Variants in MAPK12 observed in about 807,000 individuals in gnomAD.
MAPK12 encodes MAP kinase 12.
Under a neutral mutation model 49.1 loss-of-function variants are expected in MAPK12, and 49 were observed. The ratio of observed to expected loss-of-function variants is 1.00; its 90% CI spans 0.79 to 1.27. The LOEUF (loss-of-function observed/expected upper bound fraction) is 1.27, where lower values mean the gene tolerates loss of function less well. MAPK12 is among the 50% of genes most tolerant of loss of function. MAPK12 has a pLI of 0.00. For synonymous variants in MAPK12, 251 were observed against 209.7 expected, an observed-to-expected ratio of 1.20 and a Z score of -1.70; for missense variants, 554 against 502.4, an observed-to-expected ratio of 1.10 and a Z score of -0.98.
rs373855209 is a variant in MAPK12, at chr22:50,261,181, T to G, written c.241A>C (p.Met81Leu). 2.5e-6 allele frequency: 4 copies of G among 1,591,110 alleles called. No homozygotes were observed. In the African/African-American group the frequency reaches 5.5e-5, roughly 22 times the overall value. ...AYRELRLLKHMRHENVIGLLD... is the reference protein window; with the variant it reads ...AYRELRLLKHLRHENVIGLLD... ...GCGCGACTCACGTTCTCGTGGCGCATGTGCTTGAGCAGGCGCAGCTCGCGG... is the reference window on the plus strand; with the variant it reads ...GCGCGACTCACGTTCTCGTGGCGCAGGTGCTTGAGCAGGCGCAGCTCGCGG... Residue 81 changes from methionine (M) to leucine (L), a missense_variant, in exon 2 of 12, where the codon ATG (methionine) becomes CTG (leucine). Met to Leu is a conservative substitution (Grantham distance 15). Transcript: ENST00000215659.
chr22:50,259,122 G>A (rs776538569), intron 2 of MAPK12, among the ~76,000 whole-genome samples: 24 of 152,328 alleles, frequency 1.6e-4, no homozygotes, highest in Non-Finnish European at 2.2e-4. Context: ...CCTCCTGGCC[G>A]TGGTGTAGGA....
intron 2 of MAPK12, 87 bp downstream of exon 2, chr22:50,261,080 A>G: frequency 1.5e-6 from 2 of 1,350,556 alleles, no homozygotes; most frequent in South Asian, 2.9e-5. Flanking sequence ...GGCTGCCTGG[A>G]GGAGGGGTTG....
chr22:50,261,645 G>T lies in MAPK12; in HGVS notation c.-136C>A. 1 of 937,546 alleles carries T rather than the reference G, an allele frequency of 1.1e-6. No homozygotes were observed. Among genetic ancestry groups the T allele is most frequent in the South Asian group, 4.9e-5 (1 of 20,348 alleles). The allele number at this position is 937,546 out of a possible 1,614,324, so 58.1% of individuals were successfully genotyped here. A position where few individuals can be genotyped will look rare whatever the true frequency, so the allele number is the denominator to read the frequency against. On this transcript the variant is annotated 5_prime_UTR_variant, in exon 1 of 12. Coordinates refer to ENST00000215659, the MANE Select transcript of MAPK12 (RefSeq NM_002969.6). ...TCGCCCGCCCGCCCGCCGGCCGCTG[G>T]GGCGCTCCCGCTCCCGGCCCTTCCC...
intron 11 of MAPK12, chr22:50,254,748 T>G (rs1200548058): frequency 9.2e-7 from 1 of 1,086,312 alleles, no homozygotes; most frequent in African/African-American, 1.6e-5. Flanking sequence ...GGTGTCAGGG[T>G]GGCCCAGGTC....
At chr22:50,255,413 C>T in intron 10 of MAPK12, 40 bp downstream of exon 10, 1 of 1,612,768 alleles carries the variant, frequency 6.2e-7, no homozygotes, top group Non-Finnish European at 8.5e-7. Context: ...GGAGGCCCCA[C>T]ACTCCAGCAC....
rs374797423 is a variant in MAPK12 at position 50,256,634 on chromosome 22, C to T, written c.469G>A (p.Gly157Ser). The T allele has an allele frequency of 1.6e-5, 25 of 1,611,600 alleles. No homozygotes were observed. The highest frequency in any genetic ancestry group is 7.7e-5 in the South Asian group (7 of 90,958). The change falls in exon 6 of 12, where the codon GGC becomes AGC. Residue 157 changes from glycine to serine, a missense_variant. Gly to Ser is a moderately conservative substitution (Grantham distance 56, BLOSUM62 0). Coordinates refer to ENST00000215659, the MANE Select transcript of MAPK12 (RefSeq NM_002969.6). ...AGIIHRDLKP[G>S]NLAVNEDCEL... ...CAGTCTTCGTTCACAGCCAGGTTGC[C>T]GGGCTTCAGGTCCTGGGGGCAGAGG...
intron 2 of MAPK12, 112 bp from the exon 3 acceptor site, chr22:50,258,413 T>C (rs1418445279): frequency 1.4e-5 from 13 of 905,898 alleles, no homozygotes; most frequent in Non-Finnish European, 2.3e-5. Flanking sequence ...GTCATTGTCA[T>C]GCCCCACTGT....
chr22:50,258,001 G>A (rs1380418415), intron 3 of MAPK12: 1 of 741,560 alleles, frequency 1.3e-6, no homozygotes, highest in Admixed American at 1.9e-5. Context: ...AGAGGGCCCA[G>A]GTGCCAGGCG....
intron 2 of MAPK12, 24 bp from the exon 3 acceptor site, chr22:50,258,325 G>A (rs2065174389): frequency 6.2e-7 from 1 of 1,608,188 alleles, no homozygotes; most frequent in Non-Finnish European, 8.5e-7. Context: ...ATAGGGTTGA[G>A]AATGCAGCAG....
intron 2 of MAPK12, chr22:50,260,847 G>C (rs1266392001): frequency 1.8e-5 from 4 of 221,018 alleles, no homozygotes; most frequent in Non-Finnish European, 9.0e-6. Flanking sequence ...TCCTGGCTGG[G>C]GGCAAGGCTT....
chr22:50,254,149 A>C (rs2147253821), intron 11 of MAPK12: 1 of 153,114 alleles, frequency 6.5e-6, no homozygotes, highest in Non-Finnish European at 1.5e-5. Flanking sequence ...TAGCTGCGGG[A>C]GCTGGGGAGG....
At chr22:50,259,813 C>T (rs563432805) in intron 2 of MAPK12, among the ~76,000 whole-genome samples, 4 of 151,768 alleles carry the variant, frequency 2.6e-5, no homozygotes, top group Non-Finnish European at 5.9e-5. Context: ...GAACCCAGGA[C>T]GCGAAGGTTG....
intron 2 of MAPK12, 71 bp downstream of exon 2, chr22:50,261,096 T>C: frequency 1.4e-6 from 2 of 1,416,282 alleles, no homozygotes; most frequent in Non-Finnish European, 1.9e-6. Flanking sequence ...GGTTGCCGGG[T>C]GGGGGAACCC....
chr22:50,258,879 G>C (rs1447624509), intron 2 of MAPK12, among the ~76,000 whole-genome samples: 1 of 152,264 alleles, frequency 6.6e-6, no homozygotes, highest in African/African-American at 2.4e-5. Flanking sequence ...AGGTAGACAT[G>C]TGGGCTGCGG....
At chr22:50,257,539 C>A (rs2065163064) in intron 3 of MAPK12, 1 of 523,444 alleles carries the variant, frequency 1.9e-6, no homozygotes, top group South Asian at 2.2e-5. Context: ...CAGCAGGACT[C>A]GAGTCTTCAC....
intron 7 of MAPK12, 38 bp downstream of exon 7, chr22:50,256,047 G>A (rs760302881): frequency 1.3e-6 from 2 of 1,574,202 alleles, no homozygotes; most frequent in East Asian, 2.2e-5. Context: ...AGCAGATGGT[G>A]CAGCCTGAGA....
At chr22:50,253,502 G>GGGGGGGGGGGGGGGCCCCCCCCCC in intron 11 of MAPK12, 22 bp from the exon 12 acceptor site, 1 of 171,666 alleles carries the variant, frequency 5.8e-6, no homozygotes, top group Non-Finnish European at 1.1e-5. Flanking sequence ...GGGGGGGCGG[G>GGGGGGGGGGGGGGGCCCCCCCCCC]CACAACAGAG....
intron 8 of MAPK12, 51 bp downstream of exon 8, chr22:50,255,759 G>A (rs2065143493): frequency 1.4e-5 from 22 of 1,610,560 alleles, no homozygotes; most frequent in Non-Finnish European, 1.9e-5. Flanking sequence ...CCCCACCTGG[G>A]CAGGAGCCAT....
rs771733687 is a variant in MAPK12, at chr22:50,261,243, C to T, written c.179G>A (p.Arg60Gln). Residue 60 changes from arginine (R) to glutamine (Q), a missense_variant, in exon 2 of 12, where the codon CGG becomes CAG. Transcript: ENST00000215659. Reference sequence around the variant, plus strand: ...GGCGAACAGCTCGGACTGGAAAGGCCGATACAGCTTCTTGATGGCCACCTT... The same window carrying T: ...GGCGAACAGCTCGGACTGGAAAGGCTGATACAGCTTCTTGATGGCCACCTT... Reference protein sequence around the residue: ...GAKVAIKKLYRPFQSELFAKR... With the variant: ...GAKVAIKKLYQPFQSELFAKR... 3.2e-6 allele frequency: 5 copies of T among 1,571,858 alleles called. No homozygotes were observed. The highest frequency in any genetic ancestry group is 2.4e-5 in the East Asian group (1 of 41,210).
Sources: gnomAD v4.1 joint callset for allele counts (sites outside exome capture counted in the v4.1 genomes callset) on GRCh38, gnomAD v4.1.1 for gene constraint, MANE v1.5 for transcripts, NCBI Gene and HGNC (gene_info 2026-07-23, HGNC 2026-07-21) for gene names.